Variants in MS4A4E observed in about 807,000 individuals in gnomAD.
The protein encoded by MS4A4E is putative membrane-spanning 4-domains subfamily A member 4E.
In MS4A4E, 23 loss-of-function variants were observed where a neutral mutation model predicts 13.3. The observed-to-expected ratio is 1.73, with a 90% CI of 1.25 to 2.45. The LOEUF is 2.45. MS4A4E is among the 30% of genes most tolerant of loss of function. The pLI is 0.00. For synonymous variants in MS4A4E, 36 were observed against 45.6 expected (o/e 0.79, Z 0.85); for missense variants, 144 against 131.2 (o/e 1.10, Z -0.48).
At chr11:60,232,016 TCAAA>T (rs1478165413) in intron 1 of MS4A4E, among the ~76,000 whole-genome samples, 2 of 152,064 alleles carry the variant, frequency 1.3e-5, no homozygotes, top group African/African-American at 4.8e-5. Context: ...CAACATTGTC[TCAAA>T]CAAATTTCAA....
In MS4A4E at chr11:60,225,606, G is replaced by A. The variant is rs1295484767; in HGVS notation, c.178+2988C>T. Among the ~76,000 whole-genome samples the A allele has an allele frequency of 2.6e-5, 4 of 152,154 alleles. No individual in the cohort carries two copies. In the South Asian group the frequency reaches 6.2e-4, roughly 24 times the overall value. ...ACAATTATCTCATGGCATTATAAAT[G>A]GGTCAAAAAATTAAAACAACTTATC... On this transcript the variant is annotated intron_variant, in intron 3 of 8. Coordinates refer to ENST00000651255, the MANE Select transcript of MS4A4E (RefSeq NM_001393391.1).
At chr11:60,234,223 G>C (rs550446521) in intron 1 of MS4A4E, among the ~76,000 whole-genome samples, 1 of 152,282 alleles carries the variant, frequency 6.6e-6, no homozygotes, top group East Asian at 1.9e-4. Flanking sequence ...ATCTGCTTCT[G>C]ATGACTCTGG....
At chr11:60,232,321 A>ACACACACACACC (rs556719466) in intron 1 of MS4A4E, among the ~76,000 whole-genome samples, 118 of 147,432 alleles carry the variant, frequency 8.0e-4, no homozygotes, top group African/African-American at 2.5e-3. Flanking sequence ...ACACACACAC[A>ACACACACACACC]CCAAAAATGA....
At chr11:60,225,064 G>A in intron 3 of MS4A4E, 1 of 1,560,180 alleles carries the variant, frequency 6.4e-7, no homozygotes, top group Non-Finnish European at 8.6e-7. Flanking sequence ...CCATGCTAAG[G>A]CTCATCAAGG....
intron 3 of MS4A4E, among the ~76,000 whole-genome samples, chr11:60,221,575 C>T (rs751296595): frequency 4.6e-5 from 7 of 152,174 alleles, no homozygotes; most frequent in Admixed American, 2.6e-4. Context: ...TGAAGGACAG[C>T]GGTGAAGGAA....
rs181881277 is a variant in MS4A4E, at chr11:60,204,865, T to C, written c.659+25A>G. On this transcript the variant is annotated intron_variant, in intron 8 of 8. Coordinates refer to ENST00000651255, the MANE Select transcript of MS4A4E (RefSeq NM_001393391.1). ...ATAGTAAGCAACAGTATTAAGGTTC[T>C]ATTTGGTGGTTCTTGCTAGATTACC... Among the ~76,000 whole-genome samples the C allele has an allele frequency of 1.3e-5, 2 of 152,302 alleles. 1 individual carries two copies. The highest frequency in any genetic ancestry group is 3.9e-4 in the East Asian group (2 of 5,182).
intron 3 of MS4A4E, chr11:60,224,917 C>T: frequency 1.4e-6 from 2 of 1,381,238 alleles, no homozygotes; most frequent in Non-Finnish European, 1.9e-6. Context: ...AGGGTATTTA[C>T]ACCTCTATTA....
rs910887844 is a variant in MS4A4E at position 60,242,964 on chromosome 11, T to A, written c.-23A>T. 5 of 1,577,200 alleles carry A rather than the reference T, an allele frequency of 3.2e-6. No individual in the cohort carries two copies. The African/African-American group carries it at 6.8e-5, about 21-fold the overall frequency. ...GGCAAGTCCCTGGACCTACCTTTCT[T>A]CAGGCCTGCAATGTCTGCTGCAGGT... On this transcript the variant is annotated 5_prime_UTR_variant, in exon 1 of 9. Transcript: ENST00000651255.
At chr11:60,239,081 T>C (rs1484791709) in intron 1 of MS4A4E, among the ~76,000 whole-genome samples, 2 of 152,230 alleles carry the variant, frequency 1.3e-5, no homozygotes, top group Non-Finnish European at 2.9e-5. Flanking sequence ...TGAATAAATG[T>C]GCAAATAAAA....
In MS4A4E at chr11:60,214,950, C is replaced by CA. The variant is rs1372067427; in HGVS notation, c.179-337dup. ...TGGTATTAATATTGAATACAATAAACAAAAAATGTACTAAAATAATTCTCA... is the reference window on the plus strand; with the variant it reads ...TGGTATTAATATTGAATACAATAAACAAAAAAATGTACTAAAATAATTCTCA... On this transcript the variant is annotated intron_variant, in intron 3 of 8. Transcript: ENST00000651255. 2.0e-5 allele frequency among the ~76,000 whole-genome samples: 3 copies of CA among 151,946 alleles called. No homozygotes were observed. In the East Asian group the frequency reaches 5.8e-4, roughly 29 times the overall value.
At chr11:60,208,072 C>G (rs12422193) in intron 6 of MS4A4E, among the ~76,000 whole-genome samples, 23,140 of 152,098 alleles carry the variant, frequency 0.15, 2,031 homozygotes, top group African/African-American at 0.23. Flanking sequence ...TTATTTAGCT[C>G]TTGTGCTAGG....
chr11:60,208,067 T>C (rs1386549425), intron 6 of MS4A4E, among the ~76,000 whole-genome samples: 1 of 152,202 alleles, frequency 6.6e-6, no homozygotes, highest in African/African-American at 2.4e-5. Flanking sequence ...AGCTTTTATT[T>C]AGCTCTTGTG....
intron 3 of MS4A4E, chr11:60,225,042 T>C: frequency 1.3e-6 from 2 of 1,566,780 alleles, no homozygotes; most frequent in Non-Finnish European, 8.6e-7. Context: ...GCAACACACA[T>C]CATTATTATT....
chr11:60,200,627 G>C lies in MS4A4E; in HGVS notation c.*916C>G, dbSNP rs1391807526. 5.3e-5 allele frequency among the ~76,000 whole-genome samples: 8 copies of C among 152,240 alleles called. No individual in the cohort carries two copies. Among genetic ancestry groups the C allele is most frequent in the Admixed American group, 6.5e-5 (1 of 15,300 alleles). ...TGGGGGTAAGGTCACAGATCAACAG[G>C]ATCCCAAGGCAGAAGAATTTTTCTT... On this transcript the variant is annotated 3_prime_UTR_variant, in exon 9 of 9. Transcript: ENST00000651255.
chr11:60,214,547 T>C (rs2134932200), intron 4 of MS4A4E, 24 bp downstream of exon 4: 1 of 1,480,662 alleles, frequency 6.8e-7, no homozygotes. Context: ...TTCCTTTTGA[T>C]ACCCCCCACA....
At chr11:60,213,457 A>G in intron 4 of MS4A4E, 2 of 644,962 alleles carry the variant, frequency 3.1e-6, no homozygotes, top group Non-Finnish European at 5.3e-6. Context: ...CCGATCTCTT[A>G]TCATTGTTCT....
chr11:60,209,710 T>A (rs562756902), intron 5 of MS4A4E, among the ~76,000 whole-genome samples: 1 of 152,192 alleles, frequency 6.6e-6, no homozygotes, highest in South Asian at 2.1e-4. Flanking sequence ...TGGAGAACAA[T>A]TGGGCAGTAC....
intron 6 of MS4A4E, among the ~76,000 whole-genome samples, chr11:60,207,684 G>A (rs1003884546): frequency 6.6e-6 from 1 of 152,196 alleles, no homozygotes; most frequent in Non-Finnish European, 1.5e-5. Context: ...CTAATGAGTA[G>A]CTGTTGGGGT....
intron 3 of MS4A4E, among the ~76,000 whole-genome samples, chr11:60,219,190 C>G (rs2084233736): frequency 1.3e-5 from 2 of 152,160 alleles, no homozygotes; most frequent in Admixed American, 1.3e-4. Context: ...TTTGAGAGGG[C>G]AGCACTTGCA....
Sources: allele counts gnomAD v4.1 joint callset (sites outside exome capture counted in the v4.1 genomes callset), GRCh38; gene constraint gnomAD v4.1.1; transcripts MANE v1.5; gene names NCBI Gene and HGNC (gene_info 2026-07-23, HGNC 2026-07-21).